The following DCLK1 variants were observed in gnomAD, a reference collection of about 807,000 sequenced individuals.
DCLK1 encodes the protein serine/threonine-protein kinase DCLK1.
DCLK1 carries 16 observed loss-of-function variants against 86.2 expected under a neutral mutation model. That is an observed-to-expected ratio of 0.19 (90% CI 0.13 to 0.28). The LOEUF is 0.28. Among genes scored for constraint, DCLK1 ranks in the 10% least tolerant of loss-of-function variants. The pLI, the probability that DCLK1 is intolerant of heterozygous loss-of-function variation, is 1.00. For missense variants in DCLK1, 590 were observed against 940.2 expected (o/e 0.63, Z 4.87); for synonymous variants, 369 against 370.5 (o/e 1.00, Z 0.05).
At chr13:35,874,775 G>T (rs1215695038) in intron 4 of DCLK1, among the ~76,000 whole-genome samples, 1 of 152,172 alleles carries the variant, frequency 6.6e-6, no homozygotes. Flanking sequence ...ATTTTGATTC[G>T]CAAAACAGAG....
intron 3 of DCLK1, among the ~76,000 whole-genome samples, chr13:36,092,612 A>T (rs1232974141): frequency 6.8e-6 from 1 of 147,580 alleles, no homozygotes; most frequent in Non-Finnish European, 1.5e-5. Flanking sequence ...TCAGCCTCCC[A>T]AGTAGCTGGG....
intron 3 of DCLK1, among the ~76,000 whole-genome samples, chr13:36,102,372 T>A (rs553493320): frequency 2.0e-5 from 3 of 152,182 alleles, no homozygotes; most frequent in Admixed American, 2.0e-4. Context: ...AGCCCTGTAA[T>A]CTACTTGTTA....
rs1221522393 is a variant in DCLK1 at position 35,828,258 on chromosome 13, G to A, written c.1279C>T (p.Arg427Ter). The A allele has an allele frequency of 6.2e-7, 1 of 1,609,996 alleles. No individual in the cohort carries two copies. Among genetic ancestry groups the A allele is most frequent in the South Asian group, 1.1e-5 (1 of 90,904 alleles). ...ALKIIKKSKCRGKEHMIQNEV... is the reference protein window; with the variant it reads ...ALKIIKKSKC Reference sequence around the variant, plus strand: ...ACAAATTTTATACATACTTTGCCTCGACATTTGCTTTTCTTGATAATTTTC... The same window carrying A: ...ACAAATTTTATACATACTTTGCCTCAACATTTGCTTTTCTTGATAATTTTC... The change falls in exon 9 of 17, where the codon CGA (arginine) becomes TGA (stop). Residue 427 changes from arginine (R) to a stop codon, truncating the protein, a stop_gained. Coordinates refer to ENST00000360631, the MANE Select transcript of DCLK1 (RefSeq NM_001330071.2). LOFTEE classifies it high-confidence loss of function.
At chr13:36,014,854 C>T (rs1343301274) in intron 3 of DCLK1, among the ~76,000 whole-genome samples, 1 of 152,096 alleles carries the variant, frequency 6.6e-6, no homozygotes, top group Non-Finnish European at 1.5e-5. Context: ...TGTTTTTGAC[C>T]TTGCCCTTTC....
intron 16 of DCLK1, chr13:35,788,079 A>G: frequency 1.2e-6 from 1 of 851,316 alleles, no homozygotes; most frequent in Non-Finnish European, 2.0e-6. Context: ...CAAGATTAAA[A>G]TGAAACTGAT....
chr13:35,936,961 G>GTTTTTTTTTTTTTTT (rs1566610732), intron 4 of DCLK1, among the ~76,000 whole-genome samples: 1 of 91,558 alleles, frequency 1.1e-5, no homozygotes, highest in African/African-American at 3.8e-5. Flanking sequence ...AGAAAAGTTA[G>GTTTTTTTTTTTTTTT]CTTTTTTTTT....
chr13:35,919,694 C>T (rs1332130393), intron 4 of DCLK1, among the ~76,000 whole-genome samples: 1 of 152,012 alleles, frequency 6.6e-6, no homozygotes, highest in East Asian at 1.9e-4. Context: ...GGAGCGGTGG[C>T]TCATGCCTAT....
chr13:35,951,270 CATGG>C (rs113236728), intron 3 of DCLK1, among the ~76,000 whole-genome samples: 102,920 of 145,206 alleles, frequency 0.71, 38,517 homozygotes, highest in Non-Finnish European at 0.83. Context: ...TGGATGGATG[CATGG>C]ATGGATGGAT....
chr13:35,929,202 C>CT (rs911405071), intron 4 of DCLK1, among the ~76,000 whole-genome samples: 1 of 152,150 alleles, frequency 6.6e-6, no homozygotes, highest in African/African-American at 2.4e-5. Context: ...GTTCTAAACA[C>CT]TTTTTAAAAA....
intron 3 of DCLK1, among the ~76,000 whole-genome samples, chr13:36,027,696 T>C (rs1360442454): frequency 6.6e-6 from 1 of 152,198 alleles, no homozygotes; most frequent in Non-Finnish European, 1.5e-5. Context: ...ACCTAGTACA[T>C]TAGCTGGGGC....
intron 3 of DCLK1, among the ~76,000 whole-genome samples, chr13:35,989,711 C>CTT (rs567228278): frequency 0.019 from 2,570 of 134,194 alleles, 52 homozygotes; most frequent in East Asian, 0.054. Flanking sequence ...GGCTAATTGG[C>CTT]TTTTTTTTTT....
At chr13:35,803,128 A>C (rs771857864) in intron 15 of DCLK1, among the ~76,000 whole-genome samples, 4 of 152,160 alleles carry the variant, frequency 2.6e-5, no homozygotes, top group Non-Finnish European at 5.9e-5. Context: ...GAAAGTGAGG[A>C]TATCTGGCTG....
intron 4 of DCLK1, among the ~76,000 whole-genome samples, chr13:35,918,892 G>GTGTTTTTTTTTTTTT (rs780502143): frequency 2.0e-4 from 15 of 76,310 alleles, no homozygotes; most frequent in African/African-American, 4.4e-4. Context: ...TTCTGAGTGT[G>GTGTTTTTTTTTTTTT]TTTTTTTTTT....
At chr13:36,058,099 T>C (rs1883402453) in intron 3 of DCLK1, among the ~76,000 whole-genome samples, 2 of 152,160 alleles carry the variant, frequency 1.3e-5, no homozygotes, top group Admixed American at 1.3e-4. Flanking sequence ...AGGAAACCTG[T>C]GGGCTGCTGG....
At chr13:35,852,171 T>G (rs1870700436) in intron 6 of DCLK1, among the ~76,000 whole-genome samples, 1 of 152,228 alleles carries the variant, frequency 6.6e-6, no homozygotes, top group Admixed American at 6.5e-5. Flanking sequence ...CATGCCATCT[T>G]TCACTTATTT....
chr13:35,785,170 C>G (rs896290863), intron 16 of DCLK1, among the ~76,000 whole-genome samples: 2 of 152,140 alleles, frequency 1.3e-5, no homozygotes, highest in African/African-American at 4.8e-5. Context: ...AATCGGGTTA[C>G]CCAGTTCTAG....
Position 35,907,357 on chromosome 13 carries a change from C to A in DCLK1, c.824-36017G>T, listed in dbSNP as rs1015116382. On this transcript the variant is annotated intron_variant, in intron 4 of 16. Transcript: ENST00000360631. Reference sequence around the variant, plus strand: ...TAAATTTTTTTTGTAGAGACAGGTTCTTGCTATGTTTTCCAGGCTGGTCTC... The same window carrying A: ...TAAATTTTTTTTGTAGAGACAGGTTATTGCTATGTTTTCCAGGCTGGTCTC... 3.3e-5 allele frequency among the ~76,000 whole-genome samples: 5 copies of A among 152,002 alleles called. No homozygotes were observed. The East Asian group carries it at 9.7e-4, about 29-fold the overall frequency.
intron 3 of DCLK1, among the ~76,000 whole-genome samples, chr13:36,073,173 C>T (rs1045982675): frequency 5.9e-5 from 9 of 152,196 alleles, no homozygotes; most frequent in Non-Finnish European, 1.0e-4. Flanking sequence ...TTGGCAACCA[C>T]CACCACAATT....
chr13:35,793,403 T>G lies in DCLK1; in HGVS notation c.2021A>C (p.Lys674Thr). The G allele has an allele frequency of 1.2e-6, 2 of 1,609,884 alleles. No individual in the cohort carries two copies. The highest frequency in any genetic ancestry group is 1.7e-6 in the Non-Finnish European group (2 of 1,177,814). ...KIKKHFNTGP[K>T]PNSTAAGVSV... ...AACTCCAGCTGCTGTGCTATTCGGC[T>G]TGGGGCCTGTGTTGAAATGCTTCTT... Residue 674 changes from lysine to threonine, a missense_variant, in exon 16 of 17, where the codon AAG becomes ACG. Coordinates refer to ENST00000360631, the MANE Select transcript of DCLK1 (RefSeq NM_001330071.2).
Sources: allele counts gnomAD v4.1 joint callset (sites outside exome capture counted in the v4.1 genomes callset), GRCh38; gene constraint gnomAD v4.1.1; transcripts MANE v1.5; gene names NCBI Gene and HGNC (gene_info 2026-07-23, HGNC 2026-07-21).